The following MBTD1 variants were observed in gnomAD, a reference collection of about 807,000 sequenced individuals.
MBTD1 encodes the protein mbt domain containing 1.
MBTD1 carries 24 observed loss-of-function variants against 87.8 expected under a neutral mutation model. The ratio of observed to expected loss-of-function variants is 0.27; its 90% CI spans 0.20 to 0.38. The LOEUF is 0.38. Ranked by LOEUF, MBTD1 falls within the 10% of genes least tolerant of loss-of-function variation. The probability of loss-of-function intolerance (pLI) is 1.00; values close to 1 mark genes in which losing one functional copy is unlikely to be tolerated. For missense variants in MBTD1, 436 were observed against 760.2 expected (o/e 0.57, Z 5.02); for synonymous variants, 237 against 248.6 (o/e 0.95, Z 0.44).
At chr17:51,234,307 C>A (rs530876596) in intron 2 of MBTD1, among the ~76,000 whole-genome samples, 4 of 150,062 alleles carry the variant, frequency 2.7e-5, no homozygotes, top group East Asian at 2.0e-4. Flanking sequence ...AAAGGAAAAT[C>A]GCTTGAACCC....
rs2051601337 is a variant in MBTD1 at position 51,203,298 on chromosome 17, A to G, written c.740-70T>C. 5.0e-6 allele frequency: 4 copies of G among 805,726 alleles called. No homozygotes were observed. In the East Asian group the frequency reaches 1.2e-4, roughly 23 times the overall value. 49.9% of individuals were successfully genotyped at this position (805,726 alleles called of 1,614,324 possible). A position where few individuals can be genotyped will look rare whatever the true frequency, so the allele number is the denominator to read the frequency against. On this transcript the variant is annotated intron_variant, in intron 8 of 16. Transcript: ENST00000586178. ...TGCTTCATAAATTATTTGTTAAAAA[A>G]GTAACAAATTTCCTTGCAAAGTCAG...
chr17:51,260,578 C>G, upstream of MBTD1: 2 of 1,611,254 alleles, frequency 1.2e-6, no homozygotes, highest in Non-Finnish European at 1.7e-6. Flanking sequence ...TCTCCTCAAA[C>G]CTAACGATGC....
chr17:51,192,316 T>C, intron 15 of MBTD1, 36 bp from the exon 16 acceptor site: 1 of 1,403,900 alleles, frequency 7.1e-7, no homozygotes, highest in Non-Finnish European at 9.9e-7. Flanking sequence ...TACTAGATAA[T>C]TGTTTACAAT....
intron 2 of MBTD1, among the ~76,000 whole-genome samples, chr17:51,234,307 C>T (rs530876596): frequency 2.0e-5 from 3 of 149,948 alleles, no homozygotes; most frequent in Admixed American, 6.7e-5. Context: ...AAAGGAAAAT[C>T]GCTTGAACCC....
At chr17:51,237,774 T>C (rs1253308701) in intron 2 of MBTD1, among the ~76,000 whole-genome samples, 1 of 152,174 alleles carries the variant, frequency 6.6e-6, no homozygotes, top group Non-Finnish European at 1.5e-5. Context: ...AACAACCACC[T>C]ACCATCCATT....
At chr17:51,260,544 A>C, upstream of MBTD1, 1 of 1,578,704 alleles carries the variant, frequency 6.3e-7, no homozygotes, top group Non-Finnish European at 8.6e-7. Context: ...ATGCGCAGCG[A>C]GGTTCCACGT....
intron 2 of MBTD1, among the ~76,000 whole-genome samples, chr17:51,241,372 G>A (rs1348453358): frequency 6.6e-6 from 1 of 152,128 alleles, no homozygotes; most frequent in Non-Finnish European, 1.5e-5. Flanking sequence ...ACACTTTAAA[G>A]ATAATGCAAA....
At chr17:51,205,600 G>C (rs776609750) in intron 7 of MBTD1, among the ~76,000 whole-genome samples, 1 of 152,166 alleles carries the variant, frequency 6.6e-6, no homozygotes, top group South Asian at 2.1e-4. Context: ...GGACACTCTT[G>C]CAAGAGTAAC....
rs1318333145 is a variant in MBTD1 at position 51,220,387 on chromosome 17, T to C, written c.231A>G (p.Ser77=). ...YSKTKRFCSV[S]CSRSYSSNSK... The stretch of plus-strand genomic sequence containing the variant: ...AGTTTGACGAGTAACTTCTTGAACA[T>C]GAAACGCTACAGAAACGCTTTGTTT... Residue 77 remains serine (S), a synonymous_variant, in exon 4 of 17, where the codon TCA becomes TCG. Coordinates refer to ENST00000586178, the MANE Select transcript of MBTD1 (RefSeq NM_017643.3). 4 of 1,550,828 alleles carry C rather than the reference T, an allele frequency of 2.6e-6. No individual in the cohort carries two copies. The highest frequency in any genetic ancestry group is 8.7e-7 in the Non-Finnish European group (1 of 1,146,226).
At chr17:51,245,549 A>G (rs536250623) in intron 2 of MBTD1, among the ~76,000 whole-genome samples, 1 of 152,096 alleles carries the variant, frequency 6.6e-6, no homozygotes, top group African/African-American at 2.4e-5. Context: ...ATTATTATGT[A>G]TAGCATGAAG....
At chr17:51,253,340 C>T (rs1350769116) in intron 2 of MBTD1, among the ~76,000 whole-genome samples, 1 of 152,082 alleles carries the variant, frequency 6.6e-6, no homozygotes, top group East Asian at 1.9e-4. Flanking sequence ...AATACTCATA[C>T]ATAATACATA....
At chr17:51,255,520 C>G (rs1208288398) in intron 2 of MBTD1, among the ~76,000 whole-genome samples, 1 of 151,886 alleles carries the variant, frequency 6.6e-6, no homozygotes, top group African/African-American at 2.4e-5. Flanking sequence ...GGCTACTTCT[C>G]TGGTGTATAA....
At chr17:51,212,662 A>AAT (rs2052316050) in intron 6 of MBTD1, among the ~76,000 whole-genome samples, 1 of 151,350 alleles carries the variant, frequency 6.6e-6, no homozygotes, top group Non-Finnish European at 1.5e-5. Context: ...GGAAAAAAAA[A>AAT]GTTTTACTTG....
chr17:51,227,282 T>C, intron 2 of MBTD1, among the ~76,000 whole-genome samples: 1 of 148,986 alleles, frequency 6.7e-6, no homozygotes, highest in Non-Finnish European at 1.5e-5. Flanking sequence ...CTTTGCTGGC[T>C]GGGCATGGTG....
intron 2 of MBTD1, among the ~76,000 whole-genome samples, chr17:51,240,168 AT>A (rs1452219717): frequency 6.6e-6 from 1 of 152,180 alleles, no homozygotes; most frequent in African/African-American, 2.4e-5. Flanking sequence ...GAAGTAATAA[AT>A]TTATGGTAAA....
At chr17:51,232,093 C>T (rs1264081212) in intron 2 of MBTD1, among the ~76,000 whole-genome samples, 1 of 151,842 alleles carries the variant, frequency 6.6e-6, no homozygotes, top group East Asian at 1.9e-4. Context: ...ATTTCAGGTC[C>T]ACGCTCTCGG....
At chr17:51,247,441 C>CATTTT (rs1266579249) in intron 2 of MBTD1, among the ~76,000 whole-genome samples, 1 of 132,044 alleles carries the variant, frequency 7.6e-6, no homozygotes. Flanking sequence ...ATCAGTATTA[C>CATTTT]TTTTTTTTTT....
intron 2 of MBTD1, among the ~76,000 whole-genome samples, chr17:51,252,745 AAAC>A (rs1263454984): frequency 6.6e-6 from 1 of 151,920 alleles, no homozygotes; most frequent in East Asian, 1.9e-4. Flanking sequence ...AAAAAAAACA[AAAC>A]AACAAAACAA....
chr17:51,236,521 A>G (rs2053846968), intron 2 of MBTD1, among the ~76,000 whole-genome samples: 1 of 152,206 alleles, frequency 6.6e-6, no homozygotes, highest in Admixed American at 6.5e-5. Flanking sequence ...CTGGGATTAC[A>G]GGCATGAGCT....
Sources: gnomAD v4.1 joint callset for allele counts (sites outside exome capture counted in the v4.1 genomes callset) on GRCh38, gnomAD v4.1.1 for gene constraint, MANE v1.5 for transcripts, NCBI Gene and HGNC (gene_info 2026-07-23, HGNC 2026-07-21) for gene names.